Variants in PPP1R36 observed in about 807,000 individuals in gnomAD.
The protein encoded by PPP1R36 is chromosome 14 open reading frame 50.
Under a neutral mutation model 53.4 loss-of-function variants are expected in PPP1R36, and 47 were observed. The ratio of observed to expected loss-of-function variants is 0.88; its 90% confidence interval spans 0.70 to 1.12. The LOEUF (loss-of-function observed/expected upper bound fraction) is 1.12, where lower values mean the gene tolerates loss of function less well. PPP1R36 is among the 50% of genes most tolerant of loss of function. The pLI is 0.00. For synonymous variants in PPP1R36, 153 were observed against 170.5 expected, an observed-to-expected ratio of 0.90 and a Z score of 0.80; for missense variants, 456 against 513.9, an observed-to-expected ratio of 0.89 and a Z score of 1.09.
rs150362128 is a variant in PPP1R36, at chr14:64,574,499, T to C, written c.578T>C (p.Leu193Ser). The part of the protein sequence containing the change: ...KKEMELVLSE[L>S]EAAQRYLAQK... ...GAAATGGAATTGGTTTTAAGTGAAT[T>C]AGAAGCAGCACAGAGGTACTTGGCG... is the stretch of plus-strand genomic sequence containing the variant. Residue 193 changes from leucine to serine, a missense_variant, in exon 8 of 12, where the codon TTA becomes TCA. Transcript: ENST00000298705. The C allele has an allele frequency of 7.2e-5, 116 of 1,613,816 alleles. 1 individual carries two copies. Among genetic ancestry groups the C allele is most frequent in the Non-Finnish European group, 9.3e-5 (110 of 1,179,964 alleles).
chr14:64,565,766 C>A (rs1239911856), intron 6 of PPP1R36, 74 bp downstream of exon 6: 18 of 1,157,428 alleles, frequency 1.6e-5, no homozygotes, highest in Non-Finnish European at 2.2e-5. Context: ...TAAGTGATGA[C>A]AAATCTGATT....
At chr14:64,565,003 G>A (rs1017202823) in intron 4 of PPP1R36, among the ~76,000 whole-genome samples, 166 bp downstream of exon 4, 2 of 152,206 alleles carry the variant, frequency 1.3e-5, no homozygotes, top group African/African-American at 2.4e-5. Flanking sequence ...TGGGAATTAC[G>A]ATAGTCCCGA....
At chr14:64,551,940 T>C (rs1177769082) in intron 2 of PPP1R36, among the ~76,000 whole-genome samples, 2 of 152,198 alleles carry the variant, frequency 1.3e-5, no homozygotes, top group Non-Finnish European at 2.9e-5. Context: ...AGAAGACTAG[T>C]TGTAGGATTA....
chr14:64,574,342 A>C (rs1596739615), intron 7 of PPP1R36, 113 bp from the exon 8 acceptor site: 1 of 1,108,344 alleles, frequency 9.0e-7, no homozygotes, highest in East Asian at 2.4e-5. Flanking sequence ...GTAGCAGAGC[A>C]AGACTCTGTC....
intron 3 of PPP1R36, among the ~76,000 whole-genome samples, chr14:64,561,398 A>C (rs902757882): frequency 7.2e-5 from 11 of 152,234 alleles, no homozygotes; most frequent in African/African-American, 2.7e-4. Context: ...GGGGATGACT[A>C]TTAGAATACA....
intron 3 of PPP1R36, among the ~76,000 whole-genome samples, chr14:64,561,293 C>T (rs938071448): frequency 6.6e-6 from 1 of 152,130 alleles, no homozygotes; most frequent in Admixed American, 6.6e-5. Context: ...GACTTCTCTC[C>T]TGGTCAAATG....
chr14:64,554,324 T>A (rs1214144765), intron 3 of PPP1R36, among the ~76,000 whole-genome samples: 1 of 151,824 alleles, frequency 6.6e-6, no homozygotes, highest in African/African-American at 2.4e-5. Context: ...GCTAATTTTG[T>A]ATTTTTAGTA....
In PPP1R36 at chr14:64,589,358, C is replaced by T; in HGVS notation, c.*20C>T. The T allele has an allele frequency of 2.6e-6, 4 of 1,526,820 alleles. No individual in the cohort carries two copies. Among genetic ancestry groups the T allele is most frequent in the Non-Finnish European group, 3.6e-6 (4 of 1,119,910 alleles). The allele number at this position is 1,526,820 out of a possible 1,614,324, so 94.6% of individuals were successfully genotyped here. A position where few individuals can be genotyped will look rare whatever the true frequency, so the allele number is the denominator to read the frequency against. ...AAGTAACCTGGTACATTCCATATCT[C>T]AAGTAAACTACTTTGACTTTATAGA... On this transcript the variant is annotated 3_prime_UTR_variant, in exon 12 of 12. Transcript: ENST00000298705.
chr14:64,573,432 G>A (rs1194817472), intron 7 of PPP1R36, among the ~76,000 whole-genome samples: 3 of 152,162 alleles, frequency 2.0e-5, no homozygotes, highest in African/African-American at 7.2e-5. Context: ...CCCAAGCTCA[G>A]TAGTGACATA....
intron 10 of PPP1R36, among the ~76,000 whole-genome samples, chr14:64,587,766 C>CT (rs964508624): frequency 1.6e-4 from 23 of 148,154 alleles, no homozygotes; most frequent in African/African-American, 2.0e-4. Flanking sequence ...CCAGCCTCCT[C>CT]TTTTTTTTTT....
intron 8 of PPP1R36, among the ~76,000 whole-genome samples, chr14:64,578,899 C>T (rs1051418077): frequency 2.0e-5 from 3 of 152,158 alleles, no homozygotes; most frequent in Non-Finnish European, 4.4e-5. Context: ...AAAGGTGGTA[C>T]GTTTACACCT....
chr14:64,565,430 A>G lies in PPP1R36; in HGVS notation c.343A>G (p.Thr115Ala), dbSNP rs925436544. 2 of 1,612,660 alleles carry G rather than the reference A, an allele frequency of 1.2e-6. No individual in the cohort carries two copies. Among genetic ancestry groups the G allele is most frequent in the Non-Finnish European group, 8.5e-7 (1 of 1,178,908 alleles). ...TGTAGAGAAACGAGGTCAACAGGGC[A>G]CCATTACACTGGATGATGTTAAATG... is the stretch of plus-strand genomic sequence containing the variant. ...KAVEKRGQQG[T>A]ITLDDVKFVT... Residue 115 changes from threonine to alanine, a missense_variant, in exon 5 of 12, where the codon ACC becomes GCC. Physicochemically the swap from Thr to Ala is moderately conservative, Grantham distance 58. Transcript: ENST00000298705.
chr14:64,583,036 C>G (rs1388244307), intron 8 of PPP1R36, among the ~76,000 whole-genome samples: 1 of 148,434 alleles, frequency 6.7e-6, no homozygotes, highest in African/African-American at 2.5e-5. Context: ...GACTACAAGG[C>G]GTGTGCCACC....
intron 7 of PPP1R36, among the ~76,000 whole-genome samples, chr14:64,572,473 T>G (rs2080310675): frequency 6.6e-6 from 1 of 151,974 alleles, no homozygotes; most frequent in Admixed American, 6.6e-5. Flanking sequence ...CTGCCTGGAG[T>G]TTTGTATATA....
At chr14:64,575,613 T>C (rs1163866704) in intron 8 of PPP1R36, among the ~76,000 whole-genome samples, 1 of 152,140 alleles carries the variant, frequency 6.6e-6, no homozygotes, top group Non-Finnish European at 1.5e-5. Flanking sequence ...TCTTGATACA[T>C]ACTGCTAGAT....
At chr14:64,570,064 T>A (rs2080291116) in intron 7 of PPP1R36, among the ~76,000 whole-genome samples, 1 of 152,080 alleles carries the variant, frequency 6.6e-6, no homozygotes, top group Non-Finnish European at 1.5e-5. Flanking sequence ...TAAGAATAGA[T>A]AATAAGACAG....
At chr14:64,565,791 G>C in intron 6 of PPP1R36, 99 bp downstream of exon 6, 1 of 929,836 alleles carries the variant, frequency 1.1e-6, no homozygotes, top group South Asian at 1.4e-5. Flanking sequence ...GAGGAAGAGC[G>C]TGAGGCTGGC....
intron 8 of PPP1R36, among the ~76,000 whole-genome samples, chr14:64,583,372 C>T (rs995750993): frequency 6.6e-6 from 1 of 151,988 alleles, no homozygotes; most frequent in African/African-American, 2.4e-5. Context: ...ACTATGAAGT[C>T]CCCAGATGTA....
At chr14:64,565,806 T>G (rs2080248727) in intron 6 of PPP1R36, 114 bp downstream of exon 6, 2 of 791,902 alleles carry the variant, frequency 2.5e-6, no homozygotes, top group Non-Finnish European at 4.2e-6. Context: ...GCTGGCTCTA[T>G]GCAAGCCATC....
Sources: allele counts gnomAD v4.1 joint callset (sites outside exome capture counted in the v4.1 genomes callset), GRCh38; gene constraint gnomAD v4.1.1; transcripts MANE v1.5; gene names NCBI Gene and HGNC (gene_info 2026-07-23, HGNC 2026-07-21).